Variants in RIMBP2 observed in about 807,000 individuals in gnomAD.
RIMBP2 encodes RIMS-binding protein 2.
Under a neutral mutation model 118.6 loss-of-function variants are expected in RIMBP2, and 48 were observed. The ratio of observed to expected loss-of-function variants is 0.40; its 90% CI spans 0.32 to 0.51. The LOEUF is 0.51. RIMBP2 is among the 20% of genes least tolerant of loss of function. The pLI is 0.41. For missense variants in RIMBP2, 1,551 were observed against 1,768.3 expected (o/e 0.88, Z 2.20); for synonymous variants, 762 against 742.9 (o/e 1.03, Z -0.42).
rs887907360 is a variant in RIMBP2 at position 130,431,611 on chromosome 12, T to C, written c.2253+3123A>G. Reference sequence around the variant, plus strand: ...CAATTAATATATTGTTATATTATTATGTTATGAATACAACATAAAACAATG... The same window carrying C: ...CAATTAATATATTGTTATATTATTACGTTATGAATACAACATAAAACAATG... On this transcript the variant is annotated intron_variant, in intron 14 of 22. Transcript: ENST00000690449. The surrounding 1 kb of genome is among the most constrained non-coding windows in gnomAD (Gnocchi z 4.0). The C allele has an allele frequency of 6.3e-6, 1 of 158,840 alleles. No individual in the cohort carries two copies. Among genetic ancestry groups the C allele is most frequent in the Non-Finnish European group, 1.4e-5 (1 of 73,470 alleles). The allele number at this position is 158,840 out of a possible 1,614,324, so 9.8% of individuals were successfully genotyped here.
At position 130,578,039 on chromosome 12, in the gene RIMBP2, GA is replaced by G. The variant is rs1593878519; in HGVS notation, c.-217+50282del. On this transcript the variant is annotated intron_variant, in intron 2 of 22. Coordinates refer to ENST00000690449, the MANE Select transcript of RIMBP2 (RefSeq NM_001393629.1). The surrounding 1 kb of genome is among the most constrained non-coding windows in gnomAD (Gnocchi z 4.1). ...TCAATTATACCTCAACAAAGCTGGG[GA>G]AAAAAATATCTTCTCTGAAAGGCAG... is the stretch of plus-strand genomic sequence containing the variant. Among the ~76,000 whole-genome samples the G allele has an allele frequency of 6.6e-6, 1 of 152,032 alleles. No individual in the cohort carries two copies. Among genetic ancestry groups the G allele is most frequent in the African/African-American group, 2.4e-5 (1 of 41,404 alleles).
intron 1 of RIMBP2, among the ~76,000 whole-genome samples, chr12:130,676,229 A>G (rs913370054): frequency 3.3e-5 from 5 of 152,172 alleles, no homozygotes; most frequent in African/African-American, 1.2e-4. Context: ...TGTTCACACA[A>G]AAACCTGTAG....
chr12:130,474,736 T>C (rs983678073), intron 5 of RIMBP2, among the ~76,000 whole-genome samples: 2 of 152,126 alleles, frequency 1.3e-5, no homozygotes, highest in African/African-American at 4.8e-5. Flanking sequence ...AGCTGCAGCA[T>C]GGGGAGCGGG....
chr12:130,487,310 G>A (rs1033596208), intron 4 of RIMBP2, among the ~76,000 whole-genome samples: 2 of 152,188 alleles, frequency 1.3e-5, no homozygotes, highest in African/African-American at 4.8e-5. Context: ...CCTGGTGGGA[G>A]GTGTCTGGGT....
At chr12:130,634,550 G>A (rs976683687) in intron 1 of RIMBP2, among the ~76,000 whole-genome samples, 33 of 151,714 alleles carry the variant, frequency 2.2e-4, no homozygotes, top group African/African-American at 7.3e-4. Flanking sequence ...GGTCCAGCAC[G>A]TCACATCATC....
chr12:130,455,554 C>T (rs907180727), intron 7 of RIMBP2, among the ~76,000 whole-genome samples: 3 of 152,034 alleles, frequency 2.0e-5, no homozygotes, highest in Non-Finnish European at 4.4e-5. Context: ...CTCTCTGATG[C>T]GTGGACCAAA....
At chr12:130,463,269 A>T (rs2080167350) in intron 6 of RIMBP2, among the ~76,000 whole-genome samples, 1 of 152,212 alleles carries the variant, frequency 6.6e-6, no homozygotes, top group East Asian at 1.9e-4. Flanking sequence ...GCAGGGATGC[A>T]GGGACACACC....
intron 13 of RIMBP2, among the ~76,000 whole-genome samples, chr12:130,436,261 C>T (rs1461407900): frequency 1.3e-5 from 2 of 152,188 alleles, no homozygotes; most frequent in Admixed American, 1.3e-4. Flanking sequence ...CTCTCCTGGA[C>T]CCAGAAAAGT....
At chr12:130,459,102 T>C (rs1178505528) in intron 6 of RIMBP2, among the ~76,000 whole-genome samples, 2 of 143,416 alleles carry the variant, frequency 1.4e-5, no homozygotes, top group Admixed American at 1.4e-4. Flanking sequence ...AATCTTGAAA[T>C]GATAAAATTA....
intron 4 of RIMBP2, among the ~76,000 whole-genome samples, chr12:130,491,199 G>A (rs12811116): frequency 6.6e-6 from 1 of 152,068 alleles, no homozygotes; most frequent in Non-Finnish European, 1.5e-5. Context: ...CCATTTAATC[G>A]GCACAACAAC....
chr12:130,582,081 T>C (rs528819225), intron 2 of RIMBP2, among the ~76,000 whole-genome samples: 1 of 152,154 alleles, frequency 6.6e-6, no homozygotes, highest in South Asian at 2.1e-4. Context: ...TCAGAGAAGC[T>C]TTCCCTAAAC....
chr12:130,646,339 C>CTCCCTCACCACT (rs2062950249), intron 1 of RIMBP2, among the ~76,000 whole-genome samples: 5 of 122,124 alleles, frequency 4.1e-5, no homozygotes, highest in Non-Finnish European at 7.1e-5. Flanking sequence ...GCCTCACCAC[C>CTCCCTCACCACT]TCCCTCACCA....
At chr12:130,645,694 G>C (rs2141055605) in intron 1 of RIMBP2, among the ~76,000 whole-genome samples, 1 of 152,326 alleles carries the variant, frequency 6.6e-6, no homozygotes, top group East Asian at 1.9e-4. Context: ...AAGAAACAAA[G>C]TCCTCGCTGA....
intron 1 of RIMBP2, among the ~76,000 whole-genome samples, chr12:130,664,469 ACG>A (rs1491239158): frequency 6.7e-6 from 1 of 150,228 alleles, no homozygotes; most frequent in Non-Finnish European, 1.5e-5. Flanking sequence ...ACGCACACAC[ACG>A]CACGCACACG....
chr12:130,586,218 A>T (rs770017420), intron 2 of RIMBP2, among the ~76,000 whole-genome samples: 14 of 152,140 alleles, frequency 9.2e-5, no homozygotes, highest in Non-Finnish European at 2.1e-4. Flanking sequence ...AGTTTGGGAG[A>T]CCAAGGTGGG....
chr12:130,661,537 A>G (rs7965385), intron 1 of RIMBP2, among the ~76,000 whole-genome samples: 82,620 of 152,028 alleles, frequency 0.54, 23,067 homozygotes, highest in Non-Finnish European at 0.62. Flanking sequence ...AACTAAAAAG[A>G]GGTGCTGACC....
chr12:130,543,894 C>A (rs901138951), intron 2 of RIMBP2, among the ~76,000 whole-genome samples: 1 of 152,200 alleles, frequency 6.6e-6, no homozygotes, highest in African/African-American at 2.4e-5. Context: ...GGAAACCTGT[C>A]CTGCTAGGCA....
In RIMBP2 at chr12:130,684,999, T is replaced by C. The variant is rs1383198968; in HGVS notation, c.-352+31223A>G. ...GGATTAGGACCACTTTCTAGTAACA[T>C]TTTTGTCAACATGAGTTCATCACCC... On this transcript the variant is annotated intron_variant, in intron 1 of 22. Coordinates refer to ENST00000690449, the MANE Select transcript of RIMBP2 (RefSeq NM_001393629.1). Among the ~76,000 whole-genome samples, 5 of 152,204 alleles carry C rather than the reference T, an allele frequency of 3.3e-5. No homozygotes were observed. The East Asian group carries it at 9.6e-4, about 29-fold the overall frequency.
intron 7 of RIMBP2, among the ~76,000 whole-genome samples, chr12:130,456,029 C>T (rs1455340627): frequency 6.6e-6 from 1 of 152,150 alleles, no homozygotes; most frequent in Non-Finnish European, 1.5e-5. Context: ...GTTCCAAGCA[C>T]GTCCCAACAT....
Sources: allele counts gnomAD v4.1 joint callset (sites outside exome capture counted in the v4.1 genomes callset), GRCh38; gene constraint gnomAD v4.1.1; non-coding constraint Gnocchi (gnomAD v3.1); transcripts MANE v1.5; gene names NCBI Gene and HGNC (gene_info 2026-07-23, HGNC 2026-07-21).